Variants in NUP133 observed in about 807,000 individuals in gnomAD.
NUP133 encodes the protein nucleoporin 133.
A neutral mutation model predicts 146.2 loss-of-function variants in NUP133; 66 were observed. The observed-to-expected ratio is 0.45, with a 90% CI of 0.37 to 0.55. The LOEUF (loss-of-function observed/expected upper bound fraction) is 0.55. NUP133 is among the 20% of genes least tolerant of loss of function. The pLI is 0.00. For missense variants in NUP133, 1,277 were observed against 1,374.8 expected, an observed-to-expected ratio of 0.93 and a Z score of 1.12; for synonymous variants, 521 against 498.8, an observed-to-expected ratio of 1.04 and a Z score of -0.59.
Position 229,478,435 on chromosome 1 carries a change from T to A in NUP133, c.1593-675A>T, listed in dbSNP as rs550642902. ...TTCCTAACAGGTAAAGAGGAGGTCA[T>A]GGAAGGCTGGGGAGAACTGGGGGAG... On this transcript the variant is annotated intron_variant, in intron 12 of 25. Coordinates refer to ENST00000261396, the MANE Select transcript of NUP133 (RefSeq NM_018230.3). Among the ~76,000 whole-genome samples, 8 of 149,986 alleles carry A rather than the reference T, an allele frequency of 5.3e-5. No individual in the cohort carries two copies. In the South Asian group the frequency reaches 1.7e-3, roughly 32 times the overall value.
chr1:229,463,427 A>C (rs1660735920), intron 19 of NUP133, 116 bp downstream of exon 19: 3 of 1,176,760 alleles, frequency 2.5e-6, no homozygotes, highest in Non-Finnish European at 3.5e-6. Flanking sequence ...ATCAAAGTTA[A>C]CTACAAAAAG....
rs772256008 is a variant in NUP133 at position 229,465,153 on chromosome 1, C to T, written c.2299+267G>A. Among the ~76,000 whole-genome samples the T allele has an allele frequency of 1.2e-4, 19 of 152,192 alleles. 1 individual carries two copies. The highest frequency in any genetic ancestry group is 2.6e-4 in the Non-Finnish European group (18 of 68,034). ...AAATCAACATAAAATATAGTCCATA[C>T]CTCCGGGGCCAGGACTGCTTCTATG... On this transcript the variant is annotated intron_variant, in intron 17 of 25. Transcript: ENST00000261396.
chr1:229,443,932 G>A (rs1660244268), intron 25 of NUP133, among the ~76,000 whole-genome samples: 1 of 142,470 alleles, frequency 7.0e-6, no homozygotes, highest in Admixed American at 7.2e-5. Flanking sequence ...ATAGGGACAG[G>A]ATCTCCCTAT....
Position 229,458,176 on chromosome 1 carries a change from G to A in NUP133, c.2965C>T (p.Gln989Ter). 4 of 1,605,246 alleles carry A rather than the reference G, an allele frequency of 2.5e-6. No homozygotes were observed. Among genetic ancestry groups the A allele is most frequent in the Non-Finnish European group, 2.6e-6 (3 of 1,175,820 alleles). ...ATTCTTTCACCTTCAATTTTTTCTT[G>A]TAGCATATCCTCTGAAAAGTCTGAA... The part of the protein sequence containing the change: ...LASDFSEDML[Q>*]EKIEEMAEQE... The change falls in exon 21 of 26, where the codon CAA becomes TAA. Residue 989 changes from glutamine (Q) to a stop codon, truncating the protein, a stop_gained. Coordinates refer to ENST00000261396, the MANE Select transcript of NUP133 (RefSeq NM_018230.3). LOFTEE classifies it high-confidence loss of function.
chr1:229,498,347 A>T, intron 5 of NUP133, 41 bp from the exon 6 acceptor site: 1 of 1,387,720 alleles, frequency 7.2e-7, no homozygotes, highest in Non-Finnish European at 9.7e-7. Context: ...TTTAGCATCG[A>T]ATGCTAAGAT....
At chr1:229,499,055 T>C (rs1571939945) in intron 5 of NUP133, 1 of 407,352 alleles carries the variant, frequency 2.5e-6, no homozygotes, top group African/African-American at 2.1e-5. Flanking sequence ...CACACCACTA[T>C]GCCCAGATAA....
At chr1:229,453,059 G>A (rs1222687039) in intron 21 of NUP133, among the ~76,000 whole-genome samples, 2 of 151,996 alleles carry the variant, frequency 1.3e-5, no homozygotes, top group Non-Finnish European at 2.9e-5. Context: ...AATAACAAGG[G>A]GGATGGGCCA....
intron 12 of NUP133, among the ~76,000 whole-genome samples, chr1:229,481,285 G>A (rs1661206300): frequency 6.6e-6 from 1 of 152,240 alleles, no homozygotes; most frequent in South Asian, 2.1e-4. Context: ...ACACCAGGTT[G>A]AATAGTGTCT....
At chr1:229,484,847 C>A (rs762739157) in intron 11 of NUP133, among the ~76,000 whole-genome samples, 30 of 151,852 alleles carry the variant, frequency 2.0e-4, no homozygotes, top group Admixed American at 4.6e-4. Context: ...GTATTTTGTA[C>A]TTTGTATAAT....
intron 9 of NUP133, 64 bp downstream of exon 9, chr1:229,489,891 C>A: frequency 7.1e-7 from 1 of 1,406,386 alleles, no homozygotes; most frequent in South Asian, 1.6e-5. Context: ...AAATAAGACC[C>A]TGAAATGGTT....
At chr1:229,471,397 G>A (rs1660952277) in intron 14 of NUP133, among the ~76,000 whole-genome samples, 1 of 152,136 alleles carries the variant, frequency 6.6e-6, no homozygotes, top group South Asian at 2.1e-4. Context: ...AATTACAGGT[G>A]TGAACCACTG....
chr1:229,447,168 G>C (rs1660320672), intron 24 of NUP133, among the ~76,000 whole-genome samples: 1 of 152,158 alleles, frequency 6.6e-6, no homozygotes, highest in East Asian at 1.9e-4. Flanking sequence ...TATGCAAACT[G>C]ACAACCTAAA....
chr1:229,458,115 T>C (rs555671911), intron 21 of NUP133, 46 bp downstream of exon 21: 39 of 1,589,362 alleles, frequency 2.5e-5, no homozygotes, highest in South Asian at 1.2e-4. Flanking sequence ...ATGAGTTAAT[T>C]GATGGCATGA....
Position 229,452,526 on chromosome 1 carries a change from C to T in NUP133, c.3098G>A (p.Gly1033Asp), listed in dbSNP as rs35550140. Residue 1033 changes from glycine (G) to aspartate (D), a missense_variant and splice_region_variant, in exon 22 of 26, where the codon GGT becomes GAT. Transcript: ENST00000261396. ...MPVLTAPQLI[G>D]LYICEENRRA... is the part of the protein sequence containing the mutation. Reference sequence around the variant, plus strand: ...GTTAAGGATTTGAAAAGCACATACACCAATGAGTTGTGGTGCAGTCAATAC... The same window carrying T: ...GTTAAGGATTTGAAAAGCACATACATCAATGAGTTGTGGTGCAGTCAATAC... 135 of 1,609,212 alleles carry T rather than the reference C, an allele frequency of 8.4e-5. 1 individual carries two copies. In the African/African-American group the frequency reaches 1.6e-3, roughly 19 times the overall value.
chr1:229,485,026 A>G (rs757054197), intron 11 of NUP133, among the ~76,000 whole-genome samples: 19 of 152,202 alleles, frequency 1.2e-4, no homozygotes, highest in Non-Finnish European at 2.2e-4. Flanking sequence ...TACCCCAAAC[A>G]GTATTAATTA....
At chr1:229,507,812 C>A in intron 1 of NUP133, 5 of 631,992 alleles carry the variant, frequency 7.9e-6, no homozygotes, top group Non-Finnish European at 9.9e-6. Context: ...TAGGTAAACA[C>A]TGATGCAAAT....
chr1:229,475,697 G>A lies in NUP133; in HGVS notation c.1792C>T (p.Leu598Phe). Residue 598 changes from leucine (L) to phenylalanine (F), a missense_variant, in exon 14 of 26, where the codon CTT becomes TTT. Transcript: ENST00000261396. Reference protein sequence around the residue: ...PGFSNTSLIILHQLEDKMKAH... With the variant: ...PGFSNTSLIIFHQLEDKMKAH... ...TTCATCTTGTCTTCTAGCTGGTGAAGGATAATCAGTGACGTATTGCTGAAC... is the reference window on the plus strand; with the variant it reads ...TTCATCTTGTCTTCTAGCTGGTGAAAGATAATCAGTGACGTATTGCTGAAC... 1 of 1,614,156 alleles carries A rather than the reference G, an allele frequency of 6.2e-7. No individual in the cohort carries two copies. Among genetic ancestry groups the A allele is most frequent in the African/African-American group, 1.3e-5 (1 of 75,068 alleles).
In NUP133 at chr1:229,452,516, AG is replaced by A. The variant is rs759109247; in HGVS notation, c.3099+8del. ...AAGAAATAGCGTTAAGGATTTGAAA[AG>A]CACATACACCAATGAGTTGTGGTGC... On this transcript the variant is annotated splice_region_variant and intron_variant, in intron 22 of 25. Coordinates refer to ENST00000261396, the MANE Select transcript of NUP133 (RefSeq NM_018230.3). The A allele has an allele frequency of 3.1e-6, 5 of 1,596,468 alleles. No homozygotes were observed. The highest frequency in any genetic ancestry group is 4.3e-6 in the Non-Finnish European group (5 of 1,167,518).
At chr1:229,507,573 T>C (rs1661976597) in intron 1 of NUP133, among the ~76,000 whole-genome samples, 1 of 152,224 alleles carries the variant, frequency 6.6e-6, no homozygotes, top group Middle Eastern at 3.2e-3. Flanking sequence ...ATTCCGTAGC[T>C]AGAAACCCTT....
Sources: allele counts gnomAD v4.1 joint callset (sites outside exome capture counted in the v4.1 genomes callset), GRCh38; gene constraint gnomAD v4.1.1; transcripts MANE v1.5; gene names NCBI Gene and HGNC (gene_info 2026-07-23, HGNC 2026-07-21).